DLGAP2: variants seen among roughly 807,000 people sequenced by gnomAD.
DLGAP2 encodes the protein DLG associated protein 2.
Under a neutral mutation model 100.3 loss-of-function variants are expected in DLGAP2, and 26 were observed. That is an observed-to-expected ratio of 0.26 (90% confidence interval 0.19 to 0.36). The LOEUF (loss-of-function observed/expected upper bound fraction) is 0.36. DLGAP2 is among the 10% of genes least tolerant of loss of function. The probability of loss-of-function intolerance (pLI) is 1.00; values close to 1 mark genes in which losing one functional copy is unlikely to be tolerated. For synonymous variants in DLGAP2, 886 were observed against 630.1 expected (o/e 1.41, Z -6.08); for missense variants, 1,858 against 1,453.2 (o/e 1.28, Z -4.53).
chr8:896,281 G>C (rs1311891180), intron 1 of DLGAP2, among the ~76,000 whole-genome samples: 3 of 151,958 alleles, frequency 2.0e-5, no homozygotes, highest in African/African-American at 7.3e-5. Context: ...TTGTTGGATG[G>C]GGATAATGGA....
intron 2 of DLGAP2, among the ~76,000 whole-genome samples, chr8:1,005,991 C>T (rs567365877): frequency 6.6e-6 from 1 of 152,186 alleles, no homozygotes; most frequent in South Asian, 2.1e-4. Context: ...GAGATCAAGA[C>T]CATCCTGGCC....
intron 3 of DLGAP2, among the ~76,000 whole-genome samples, chr8:1,486,505 C>T (rs1799240072): frequency 6.6e-6 from 1 of 152,118 alleles, no homozygotes; most frequent in Admixed American, 6.5e-5. Context: ...GGGGAAAGAC[C>T]CCCTATGGAA....
intron 3 of DLGAP2, among the ~76,000 whole-genome samples, chr8:1,302,878 C>T (rs1800392899): frequency 6.6e-6 from 1 of 152,226 alleles, no homozygotes; most frequent in Non-Finnish European, 1.5e-5. Context: ...CGCTTAGGTA[C>T]TTTCCAAAAC....
chr8:1,106,668 C>G (rs1451625004), intron 2 of DLGAP2, among the ~76,000 whole-genome samples: 1 of 150,446 alleles, frequency 6.6e-6, no homozygotes, highest in African/African-American at 2.4e-5. Flanking sequence ...TGAAGGGAGC[C>G]ATTCTAGGAG....
chr8:769,718 T>C (rs1821306998), intron 1 of DLGAP2, among the ~76,000 whole-genome samples: 1 of 152,170 alleles, frequency 6.6e-6, no homozygotes, highest in African/African-American at 2.4e-5. Context: ...CACTCATTTC[T>C]ACTCCCCTTC....
At chr8:1,317,890 G>C (rs1352471960) in intron 3 of DLGAP2, among the ~76,000 whole-genome samples, 2 of 137,508 alleles carry the variant, frequency 1.5e-5, no homozygotes, top group Non-Finnish European at 1.6e-5. Context: ...TGTGAGTGCA[G>C]CGTCTCTCCA....
intron 1 of DLGAP2, among the ~76,000 whole-genome samples, chr8:778,969 A>C (rs1413911739): frequency 6.6e-6 from 1 of 152,096 alleles, no homozygotes; most frequent in African/African-American, 2.4e-5. Flanking sequence ...TTGATCTCAG[A>C]CTGCTGTGCT....
chr8:1,477,774 C>A (rs1798976721), intron 3 of DLGAP2, among the ~76,000 whole-genome samples: 1 of 148,606 alleles, frequency 6.7e-6, no homozygotes, highest in Admixed American at 6.9e-5. Context: ...GATTATGTGG[C>A]CTAGAATAAT....
At chr8:1,500,848 G>T (rs138394786) in intron 3 of DLGAP2, among the ~76,000 whole-genome samples, 117 of 152,344 alleles carry the variant, frequency 7.7e-4, no homozygotes, top group Admixed American at 3.7e-3. Flanking sequence ...GGTCAAAGTG[G>T]ACCTAATATG....
At chr8:1,345,413 G>A (rs371865605) in intron 3 of DLGAP2, among the ~76,000 whole-genome samples, 2 of 152,184 alleles carry the variant, frequency 1.3e-5, no homozygotes, top group Non-Finnish European at 2.9e-5. Context: ...TTTTGCCCGA[G>A]TTGCCAAATC....
chr8:1,520,764 C>T (rs1276017953), intron 4 of DLGAP2, among the ~76,000 whole-genome samples: 5 of 152,216 alleles, frequency 3.3e-5, no homozygotes, highest in African/African-American at 1.2e-4. Flanking sequence ...GTTTACTCAC[C>T]TCCTGAAGGA....
intron 3 of DLGAP2, among the ~76,000 whole-genome samples, chr8:1,448,387 T>G (rs1798040514): frequency 6.6e-6 from 1 of 152,208 alleles, no homozygotes; most frequent in Non-Finnish European, 1.5e-5. Context: ...TTCCATGTAG[T>G]TGAGTGGTTT....
In DLGAP2 at chr8:1,436,208, A is replaced by G. The variant is rs376455845; in HGVS notation, c.107-65158A>G. On this transcript the variant is annotated intron_variant, in intron 3 of 14. Coordinates refer to ENST00000637795, the MANE Select transcript of DLGAP2 (RefSeq NM_001346810.2). ...CCAGTCCGAGGCCCAAAACCTCAAAAGCAGGGAAGCCGGCAGTGCAGCCTT... is the reference window on the plus strand; with the variant it reads ...CCAGTCCGAGGCCCAAAACCTCAAAGGCAGGGAAGCCGGCAGTGCAGCCTT... 2.0e-5 allele frequency among the ~76,000 whole-genome samples: 3 copies of G among 152,326 alleles called. No homozygotes were observed. In the East Asian group the frequency reaches 5.8e-4, roughly 29 times the overall value.
intron 3 of DLGAP2, among the ~76,000 whole-genome samples, chr8:1,360,384 CGTCT>C (rs1801956736): frequency 1.3e-5 from 2 of 152,064 alleles, no homozygotes; most frequent in African/African-American, 4.8e-5. Context: ...CTTTGCGCTG[CGTCT>C]GTCTGAGCCT....
intron 2 of DLGAP2, among the ~76,000 whole-genome samples, chr8:1,231,969 TAAAA>T (rs1172484841): frequency 6.6e-6 from 1 of 152,068 alleles, no homozygotes; most frequent in Non-Finnish European, 1.5e-5. Flanking sequence ...TTGAAAAAAT[TAAAA>T]AATGTAAATC....
intron 3 of DLGAP2, among the ~76,000 whole-genome samples, chr8:1,267,868 C>A (rs7813630): frequency 0.83 from 126,366 of 151,992 alleles, 53,328 homozygotes; most frequent in Middle Eastern, 0.96. Flanking sequence ...TCCATCACAC[C>A]CACCCTAGTC....
intron 3 of DLGAP2, among the ~76,000 whole-genome samples, chr8:1,419,167 A>G (rs1256591448): frequency 6.6e-6 from 1 of 151,428 alleles, no homozygotes; most frequent in East Asian, 2.0e-4. Flanking sequence ...TAATAATTGT[A>G]CATGTTTGTG....
intron 3 of DLGAP2, among the ~76,000 whole-genome samples, chr8:1,423,081 C>T (rs975726726): frequency 6.6e-6 from 1 of 152,164 alleles, no homozygotes. Flanking sequence ...ACTGCCACAA[C>T]AGTGTAGACA....
intron 1 of DLGAP2, among the ~76,000 whole-genome samples, chr8:763,263 C>T (rs1466642256): frequency 1.3e-5 from 2 of 152,176 alleles, no homozygotes; most frequent in African/African-American, 2.4e-5. Flanking sequence ...CGTGCTACTG[C>T]TGTATTTATT....
Sources: allele counts gnomAD v4.1 joint callset (sites outside exome capture counted in the v4.1 genomes callset), GRCh38; gene constraint gnomAD v4.1.1; transcripts MANE v1.5; gene names NCBI Gene and HGNC (gene_info 2026-07-23, HGNC 2026-07-21).